The following ST8SIA4 variants were observed in gnomAD, a reference collection of about 807,000 sequenced individuals.
The protein encoded by ST8SIA4 is ST8 alpha-N-acetyl-neuraminide alpha-2,8-sialyltransferase 4.
A neutral mutation model predicts 33.9 loss-of-function variants in ST8SIA4; 15 were observed. The ratio of observed to expected loss-of-function variants is 0.44; its 90% CI spans 0.30 to 0.68. ST8SIA4 has a LOEUF of 0.68. Ranked by LOEUF, ST8SIA4 falls within the 30% of genes least tolerant of loss-of-function variation. The pLI, the probability that ST8SIA4 is intolerant of heterozygous loss-of-function variation, is 0.10. For synonymous variants in ST8SIA4, 171 were observed against 151.2 expected, an observed-to-expected ratio of 1.13 and a Z score of -0.96; for missense variants, 321 against 428.0, an observed-to-expected ratio of 0.75 and a Z score of 2.21.
At chr5:100,867,121 C>T (rs1236072389) in intron 3 of ST8SIA4, among the ~76,000 whole-genome samples, 1 of 151,934 alleles carries the variant, frequency 6.6e-6, no homozygotes, top group Non-Finnish European at 1.5e-5. Context: ...ACTAGGTATA[C>T]CCTCAAAATT....
intron 4 of ST8SIA4, chr5:100,816,348 C>A (rs776290289): frequency 1.2e-4 from 45 of 391,012 alleles, no homozygotes; most frequent in Non-Finnish European, 2.2e-4. Flanking sequence ...TTATTTCAAG[C>A]AACCACAGTT....
chr5:100,879,479 T>G (rs1293978849), intron 3 of ST8SIA4, among the ~76,000 whole-genome samples: 1 of 152,104 alleles, frequency 6.6e-6, no homozygotes, highest in Non-Finnish European at 1.5e-5. Flanking sequence ...AAAGAAATAA[T>G]AGAGATGTTG....
At position 100,886,618 on chromosome 5, in the gene ST8SIA4, G is replaced by A. The variant is rs770745250; in HGVS notation, c.246-18C>T. The A allele has an allele frequency of 1.3e-6, 2 of 1,599,960 alleles. No homozygotes were observed. The highest frequency in any genetic ancestry group is 2.2e-5 in the South Asian group (2 of 90,718). On this transcript the variant is annotated intron_variant, in intron 2 of 4. Coordinates refer to ENST00000231461, the MANE Select transcript of ST8SIA4 (RefSeq NM_005668.6). ...TGTTCTTCCTGTATTTGAAATACAAGCAAAGTTTTACATTACCATCAGCAT... is the reference window on the plus strand; with the variant it reads ...TGTTCTTCCTGTATTTGAAATACAAACAAAGTTTTACATTACCATCAGCAT...
chr5:100,859,351 C>T (rs1751884123), intron 3 of ST8SIA4, among the ~76,000 whole-genome samples: 1 of 151,958 alleles, frequency 6.6e-6, no homozygotes, highest in Non-Finnish European at 1.5e-5. Context: ...AGAGGAGTAG[C>T]CAGTTTTAAA....
At chr5:100,870,190 G>A (rs1019495656) in intron 3 of ST8SIA4, among the ~76,000 whole-genome samples, 2 of 152,068 alleles carry the variant, frequency 1.3e-5, no homozygotes, top group African/African-American at 4.8e-5. Flanking sequence ...CCTTTTTTAT[G>A]GCTGCATAGT....
rs372756906 is a variant in ST8SIA4 at position 100,881,648 on chromosome 5, A to G, written c.503+4695T>C. 5.6e-4 allele frequency among the ~76,000 whole-genome samples: 85 copies of G among 152,290 alleles called. No individual in the cohort carries two copies. In the South Asian group the frequency reaches 0.011, roughly 19 times the overall value. On this transcript the variant is annotated intron_variant, in intron 3 of 4. Coordinates refer to ENST00000231461, the MANE Select transcript of ST8SIA4 (RefSeq NM_005668.6). ...GTTGACTCAATGAGGTTCTCACTTG[A>G]TATAGTTTAGCTGGGTCCCCACCCA...
intron 4 of ST8SIA4, chr5:100,849,496 T>C (rs1490042065): frequency 1.0e-6 from 1 of 982,210 alleles, no homozygotes; most frequent in African/African-American, 1.8e-5. Flanking sequence ...TAAGAAACAC[T>C]GCTGGCTGAG....
At chr5:100,848,399 T>C (rs1751612231) in intron 4 of ST8SIA4, among the ~76,000 whole-genome samples, 1 of 150,424 alleles carries the variant, frequency 6.6e-6, no homozygotes, top group African/African-American at 2.4e-5. Flanking sequence ...GTATATTTTA[T>C]ACTTTGTTAG....
At chr5:100,879,090 G>T (rs1214163163) in intron 3 of ST8SIA4, among the ~76,000 whole-genome samples, 2 of 152,094 alleles carry the variant, frequency 1.3e-5, no homozygotes, top group African/African-American at 4.8e-5. Flanking sequence ...AATGATCATG[G>T]TGATAATTTT....
At chr5:100,889,597 CAGTT>C (rs1348004055) in intron 2 of ST8SIA4, among the ~76,000 whole-genome samples, 3 of 151,900 alleles carry the variant, frequency 2.0e-5, no homozygotes, top group Admixed American at 6.6e-5. Context: ...GTGTTATAGA[CAGTT>C]AGTTGCAAAA....
intron 3 of ST8SIA4, chr5:100,885,268 A>G (rs1752511128): frequency 2.7e-6 from 2 of 744,908 alleles, no homozygotes; most frequent in Non-Finnish European, 3.3e-6. Context: ...TTGATTTCAC[A>G]TTAATCTCTG....
In ST8SIA4 at chr5:100,886,354, A is replaced by C. The variant is rs138641468; in HGVS notation, c.492T>G (p.Asn164Lys). The change falls in exon 3 of 5, where the codon AAT (asparagine) becomes AAG (lysine). Residue 164 changes from asparagine (N) to lysine (K), a missense_variant. By Grantham distance (94) the Asn-to-Lys change is moderately conservative. Transcript: ENST00000231461. ...AGAAGAAAGCTCACCTTATTACAAA[A>C]TTGTGACTGTCAATCTCCTTTCCAC... ...SECGKEIDSH[N>K]FVIRCNLAPV... is the part of the protein sequence containing the mutation. 5 of 1,613,418 alleles carry C rather than the reference A, an allele frequency of 3.1e-6. No individual in the cohort carries two copies. The Admixed American group carries it at 6.7e-5, about 22-fold the overall frequency.
chr5:100,900,049 T>A (rs2112487781), intron 1 of ST8SIA4, among the ~76,000 whole-genome samples: 1 of 152,338 alleles, frequency 6.6e-6, no homozygotes, highest in East Asian at 1.9e-4. Flanking sequence ...TTGTGCTGGT[T>A]TTCTATTTTT....
chr5:100,869,395 T>A (rs1050440188), intron 3 of ST8SIA4, among the ~76,000 whole-genome samples: 3 of 152,176 alleles, frequency 2.0e-5, no homozygotes, highest in African/African-American at 7.2e-5. Context: ...CCATTTCATG[T>A]CAAAGACAGA....
intron 1 of ST8SIA4, among the ~76,000 whole-genome samples, chr5:100,896,211 A>G (rs1752776998): frequency 6.6e-6 from 1 of 152,200 alleles, no homozygotes; most frequent in African/African-American, 2.4e-5. Context: ...CTGTCCATTA[A>G]CAGAGGAATA....
At chr5:100,865,609 C>T (rs1052978494) in intron 3 of ST8SIA4, among the ~76,000 whole-genome samples, 1 of 152,118 alleles carries the variant, frequency 6.6e-6, no homozygotes, top group Non-Finnish European at 1.5e-5. Context: ...AAACCATTAC[C>T]TGTAGTGTTC....
At chr5:100,864,145 C>T (rs185950442) in intron 3 of ST8SIA4, among the ~76,000 whole-genome samples, 1 of 152,202 alleles carries the variant, frequency 6.6e-6, no homozygotes, top group Admixed American at 6.5e-5. Flanking sequence ...ATCATAAAGA[C>T]AACAATTTGT....
intron 3 of ST8SIA4, among the ~76,000 whole-genome samples, chr5:100,878,686 T>C (rs1467623887): frequency 6.6e-6 from 1 of 152,202 alleles, no homozygotes; most frequent in African/African-American, 2.4e-5. Flanking sequence ...AATTAAACAC[T>C]GTAGAATACA....
intron 4 of ST8SIA4, among the ~76,000 whole-genome samples, chr5:100,829,632 G>A (rs776377916): frequency 6.6e-5 from 10 of 152,092 alleles, no homozygotes; most frequent in African/African-American, 2.2e-4. Flanking sequence ...CATGTCGGCC[G>A]GGCGCGATGG....
Sources: gnomAD v4.1 joint callset for allele counts (sites outside exome capture counted in the v4.1 genomes callset) on GRCh38, gnomAD v4.1.1 for gene constraint, MANE v1.5 for transcripts, NCBI Gene and HGNC (gene_info 2026-07-23, HGNC 2026-07-21) for gene names.